The following RFX7 variants were observed in gnomAD, a reference collection of about 807,000 sequenced individuals.
RFX7 encodes the protein regulatory factor X7.
RFX7 carries 26 observed loss-of-function variants against 111.8 expected under a neutral mutation model. That is an observed-to-expected ratio of 0.23 (90% confidence interval 0.17 to 0.32). RFX7 has a LOEUF of 0.32. Among genes scored for constraint, RFX7 ranks in the 10% least tolerant of loss-of-function variants. The pLI, the probability that RFX7 is intolerant of heterozygous loss-of-function variation, is 1.00. For missense variants in RFX7, 1,573 were observed against 1,772.9 expected, an observed-to-expected ratio of 0.89 and a Z score of 2.02; for synonymous variants, 624 against 624.4, an observed-to-expected ratio of 1.00 and a Z score of 0.01.
chr15:56,194,145 G>A (rs2043125767), intron 2 of RFX7, among the ~76,000 whole-genome samples: 1 of 152,058 alleles, frequency 6.6e-6, no homozygotes, highest in Non-Finnish European at 1.5e-5. Context: ...ATTTTTTACT[G>A]CAGAAAATAT....
chr15:56,152,377 G>A (rs2141051303), intron 3 of RFX7, among the ~76,000 whole-genome samples: 1 of 152,210 alleles, frequency 6.6e-6, no homozygotes, highest in South Asian at 2.1e-4. Flanking sequence ...TGCAATCAAA[G>A]TAGAACTCAG....
At chr15:56,114,424 A>C (rs544586232) in intron 5 of RFX7, among the ~76,000 whole-genome samples, 87 of 151,152 alleles carry the variant, frequency 5.8e-4, no homozygotes, top group Middle Eastern at 6.8e-3. Flanking sequence ...AAAAAAAAAA[A>C]AAACAAACAA....
intron 5 of RFX7, among the ~76,000 whole-genome samples, chr15:56,127,617 G>T (rs1183549884): frequency 2.0e-5 from 3 of 149,238 alleles, no homozygotes; most frequent in Admixed American, 6.7e-5. Flanking sequence ...GCGCGATCTC[G>T]ACTCACTGCA....
intron 3 of RFX7, among the ~76,000 whole-genome samples, chr15:56,162,153 C>T (rs866779255): frequency 1.3e-5 from 2 of 152,018 alleles, no homozygotes; most frequent in Non-Finnish European, 2.9e-5. Context: ...AATGATGGTA[C>T]TTGACAGTCC....
At chr15:56,139,447 A>G (rs570072511) in intron 5 of RFX7, among the ~76,000 whole-genome samples, 29 of 152,244 alleles carry the variant, frequency 1.9e-4, no homozygotes, top group South Asian at 1.0e-3. Flanking sequence ...TAGCTCTCGA[A>G]CCTTGGTTTT....
At chr15:56,127,571 G>T (rs1443619554) in intron 5 of RFX7, among the ~76,000 whole-genome samples, 1 of 146,292 alleles carries the variant, frequency 6.8e-6, no homozygotes, top group Non-Finnish European at 1.5e-5. Context: ...TTTTTGAGAC[G>T]GAGTTTCGCT....
intron 3 of RFX7, among the ~76,000 whole-genome samples, chr15:56,175,545 C>G (rs377102100): frequency 3.0e-3 from 455 of 152,108 alleles, no homozygotes; most frequent in African/African-American, 0.011. Flanking sequence ...AAGGCAGACA[C>G]AGCAATCAAT....
intron 5 of RFX7, among the ~76,000 whole-genome samples, chr15:56,109,029 C>CT (rs2041869549): frequency 6.6e-6 from 1 of 151,950 alleles, no homozygotes; most frequent in Non-Finnish European, 1.5e-5. Context: ...TTCTCCCTCT[C>CT]CCTCTCCCTC....
At chr15:56,111,173 CAGG>C (rs1297596318) in intron 5 of RFX7, among the ~76,000 whole-genome samples, 1 of 138,704 alleles carries the variant, frequency 7.2e-6, no homozygotes, top group Admixed American at 7.4e-5. Flanking sequence ...GAGAACGGGC[CAGG>C]ATGACAATGG....
At chr15:56,197,065 A>G (rs1427071822) in intron 2 of RFX7, among the ~76,000 whole-genome samples, 2 of 152,184 alleles carry the variant, frequency 1.3e-5, no homozygotes, top group Non-Finnish European at 2.9e-5. Context: ...TGGTAATGAC[A>G]GACTTCTGCC....
In RFX7 at chr15:56,096,486, G is replaced by T. The variant is rs527285534; in HGVS notation, c.1242C>A (p.Asn414Lys). The part of the protein sequence containing the change: ...SVKQAPKTPQ[N>K]VPASPGGDRS... ...GATCCCCACCAGGACTGGCTGGAACGTTCTGGGGAGTCTTTGGTGCCTGTT... is the reference window on the plus strand; with the variant it reads ...GATCCCCACCAGGACTGGCTGGAACTTTCTGGGGAGTCTTTGGTGCCTGTT... The change falls in exon 10 of 10, where the codon AAC becomes AAA. Residue 414 changes from asparagine (N) to lysine (K), a missense_variant. By Grantham distance (94) the Asn-to-Lys change is moderately conservative. Around this residue, in one of 7 missense-constraint regions of RFX7, gnomAD observed 288 missense variants for 337.9 expected, o/e 0.85. Coordinates refer to ENST00000559447, the MANE Select transcript of RFX7 (RefSeq NM_022841.7). 3 of 1,607,738 alleles carry T rather than the reference G, an allele frequency of 1.9e-6. No homozygotes were observed. In the South Asian group the frequency reaches 3.3e-5, roughly 18 times the overall value.
chr15:56,218,999 C>T (rs1166738309), intron 2 of RFX7, among the ~76,000 whole-genome samples: 1 of 152,138 alleles, frequency 6.6e-6, no homozygotes, highest in East Asian at 1.9e-4. Context: ...AGCAGGATGA[C>T]ACTGGGAGAA....
chr15:56,204,654 G>C (rs2043232953), intron 2 of RFX7, among the ~76,000 whole-genome samples: 1 of 152,114 alleles, frequency 6.6e-6, no homozygotes, highest in Non-Finnish European at 1.5e-5. Context: ...AAACCAAAAG[G>C]TAATGATCTA....
intron 2 of RFX7, among the ~76,000 whole-genome samples, chr15:56,238,188 G>C (rs745799867): frequency 6.6e-6 from 1 of 152,038 alleles, no homozygotes; most frequent in Non-Finnish European, 1.5e-5. Context: ...CTAGGATGGC[G>C]GACTGTAATC....
At chr15:56,100,150 A>G (rs1405260635) in intron 8 of RFX7, among the ~76,000 whole-genome samples, 1 of 152,200 alleles carries the variant, frequency 6.6e-6, no homozygotes, top group Non-Finnish European at 1.5e-5. Flanking sequence ...TCCTGGCTCC[A>G]TTACTTATGT....
At chr15:56,132,744 T>C (rs1481803204) in intron 5 of RFX7, among the ~76,000 whole-genome samples, 11 of 152,262 alleles carry the variant, frequency 7.2e-5, no homozygotes, top group Admixed American at 7.2e-4. Flanking sequence ...AAAACATTTA[T>C]GTTTTAATAT....
intron 3 of RFX7, among the ~76,000 whole-genome samples, chr15:56,153,712 A>G (rs1274548603): frequency 6.6e-6 from 1 of 152,214 alleles, no homozygotes; most frequent in Admixed American, 6.5e-5. Context: ...AACTGGAAGC[A>G]TTCCCTTTGA....
intron 3 of RFX7, chr15:56,179,000 T>C (rs1344241427): frequency 6.2e-6 from 1 of 160,294 alleles, no homozygotes; most frequent in Non-Finnish European, 1.4e-5. Context: ...TCCAATTTAA[T>C]TGTTCGTTTA....
At chr15:56,148,380 G>A (rs548560307) in intron 3 of RFX7, among the ~76,000 whole-genome samples, 6 of 152,268 alleles carry the variant, frequency 3.9e-5, no homozygotes, top group East Asian at 3.9e-4. Context: ...ACTTAATGAC[G>A]ATTGAGATGG....
Sources: gnomAD v4.1 joint callset for allele counts (sites outside exome capture counted in the v4.1 genomes callset) on GRCh38, gnomAD v4.1.1 for gene constraint, gnomAD v4.1.1 regional missense constraint, MANE v1.5 for transcripts, NCBI Gene and HGNC (gene_info 2026-07-23, HGNC 2026-07-21) for gene names.